The following PTPN4 variants were observed in gnomAD, a reference collection of about 807,000 sequenced individuals.
PTPN4 encodes protein tyrosine phosphatase non-receptor type 4.
PTPN4 carries 49 observed loss-of-function variants against 135.5 expected under a neutral mutation model. The ratio of observed to expected loss-of-function variants is 0.36; its 90% CI spans 0.29 to 0.46. The LOEUF is 0.46. PTPN4 is among the 20% of genes least tolerant of loss of function. The pLI is 1.00. For missense variants in PTPN4, 860 were observed against 1,101.0 expected (o/e 0.78, Z 3.10); for synonymous variants, 333 against 369.9 (o/e 0.90, Z 1.14).
intron 1 of PTPN4, among the ~76,000 whole-genome samples, chr2:119,766,943 C>G (rs559695014): frequency 5.8e-4 from 89 of 152,308 alleles, no homozygotes; most frequent in Non-Finnish European, 1.1e-3. Flanking sequence ...TTGAGCACTT[C>G]CAGTGAGCCA....
At chr2:119,843,693 C>T (rs1245308796) in intron 2 of PTPN4, among the ~76,000 whole-genome samples, 1 of 69,112 alleles carries the variant, frequency 1.4e-5, no homozygotes, top group Non-Finnish European at 2.9e-5. Context: ...CCAGTAGGGG[C>T]GGCCGGGCAG....
chr2:119,907,596 C>T lies in PTPN4; in HGVS notation c.764+6790C>T, dbSNP rs1038457224. Among the ~76,000 whole-genome samples, 4 of 110,114 alleles carry T rather than the reference C, an allele frequency of 3.6e-5. No homozygotes were observed. The East Asian group carries it at 1.1e-3, about 30-fold the overall frequency. 72.2% of individuals were successfully genotyped at this position (110,114 alleles called of 152,430 possible). ...CTTCAGCCTGGATGGCAGAGTGAGA[C>T]CCTTTCTCTATTAAGAAAAAAAAAA... On this transcript the variant is annotated intron_variant, in intron 10 of 26. Transcript: ENST00000263708.
intron 1 of PTPN4, among the ~76,000 whole-genome samples, chr2:119,796,698 A>G (rs537992133): frequency 3.9e-5 from 6 of 152,212 alleles, no homozygotes; most frequent in African/African-American, 1.4e-4. Flanking sequence ...TTTGTTACCT[A>G]GGAACGCAAT....
chr2:119,797,207 G>C (rs558813534), intron 1 of PTPN4, among the ~76,000 whole-genome samples: 1 of 152,046 alleles, frequency 6.6e-6, no homozygotes, highest in Non-Finnish European at 1.5e-5. Flanking sequence ...TGATGATGTC[G>C]AAAGAGTGAT....
chr2:119,967,494 G>A (rs922052702), intron 25 of PTPN4, among the ~76,000 whole-genome samples: 4 of 151,820 alleles, frequency 2.6e-5, no homozygotes, highest in Non-Finnish European at 5.9e-5. Flanking sequence ...TGTCTTTTGT[G>A]CATTCGTTGA....
At chr2:119,833,111 C>T (rs1449996469) in intron 2 of PTPN4, among the ~76,000 whole-genome samples, 2 of 151,704 alleles carry the variant, frequency 1.3e-5, no homozygotes, top group African/African-American at 4.8e-5. Context: ...GCTTCTTTCA[C>T]TTCCTTCATT....
At chr2:119,903,081 G>A (rs758493848) in intron 10 of PTPN4, among the ~76,000 whole-genome samples, 2 of 152,152 alleles carry the variant, frequency 1.3e-5, no homozygotes, top group South Asian at 2.1e-4. Flanking sequence ...CTAGGTCCTC[G>A]AGACTGTATC....
intron 1 of PTPN4, among the ~76,000 whole-genome samples, chr2:119,772,258 G>A (rs903351005): frequency 2.0e-5 from 3 of 152,298 alleles, no homozygotes; most frequent in South Asian, 2.1e-4. Flanking sequence ...GGAAGGGATC[G>A]TGATTTGAAA....
Position 119,967,828 on chromosome 2 carries a change from CT to C in PTPN4, c.2559-3del. 1 of 1,584,500 alleles carries C rather than the reference CT, an allele frequency of 6.3e-7. No homozygotes were observed. Among genetic ancestry groups the C allele is most frequent in the Non-Finnish European group, 8.6e-7 (1 of 1,162,702 alleles). ...TCGGTAAGATCTTGCCTATATTTGT[CT>C]TTTTTAGTGCTGGAATCGGAAGAAC... is the stretch of plus-strand genomic sequence containing the variant. On this transcript the variant is annotated splice_region_variant and splice_polypyrimidine_tract_variant and intron_variant, in intron 25 of 26. Coordinates refer to ENST00000263708, the MANE Select transcript of PTPN4 (RefSeq NM_002830.4).
chr2:119,975,991 A>ATTT (rs1253786677), intron 26 of PTPN4, among the ~76,000 whole-genome samples: 3 of 108,926 alleles, frequency 2.8e-5, no homozygotes, highest in Admixed American at 2.6e-4. Flanking sequence ...ATTTTTATTT[A>ATTT]TTTATTTATT....
chr2:119,946,064 A>C (rs1056542925), intron 16 of PTPN4, among the ~76,000 whole-genome samples: 1 of 152,092 alleles, frequency 6.6e-6, no homozygotes, highest in Non-Finnish European at 1.5e-5. Context: ...GATTCTACGG[A>C]TATAGCAATT....
Position 119,962,603 on chromosome 2 carries a change from A to T in PTPN4, c.2281-13A>T. The T allele has an allele frequency of 7.7e-7, 1 of 1,299,798 alleles. No individual in the cohort carries two copies. The highest frequency in any genetic ancestry group is 1.0e-6 in the Non-Finnish European group (1 of 996,984). 80.5% of individuals were successfully genotyped at this position (1,299,798 alleles called of 1,614,324 possible). A position where few individuals can be genotyped will look rare whatever the true frequency, so the allele number is the denominator to read the frequency against. ...ATATAATTTTATTTATTATTTATTT[A>T]TATCAATATCAGGTTAAATGTCACC... On this transcript the variant is annotated splice_polypyrimidine_tract_variant and intron_variant, in intron 23 of 26. Transcript: ENST00000263708.
At chr2:119,763,839 A>G (rs751915840) in intron 1 of PTPN4, among the ~76,000 whole-genome samples, 5 of 152,266 alleles carry the variant, frequency 3.3e-5, no homozygotes, top group Non-Finnish European at 7.4e-5. Flanking sequence ...GCTAGTAGCT[A>G]TAGTATTGGA....
Position 119,955,255 on chromosome 2 carries a change from T to G in PTPN4, c.1912T>G (p.Ser638Ala), listed in dbSNP as rs1265532303. 1 of 1,613,754 alleles carries G rather than the reference T, an allele frequency of 6.2e-7. No homozygotes were observed. Among genetic ancestry groups the G allele is most frequent in the Non-Finnish European group, 8.5e-7 (1 of 1,179,820 alleles). Residue 638 changes from serine (S) to alanine (A), a missense_variant, in exon 20 of 27, where the codon TCC becomes GCC. Ser to Ala is a moderately conservative substitution (Grantham distance 99). Transcript: ENST00000263708. The stretch of plus-strand genomic sequence containing the variant: ...AGATAGTGTGCATCAGGATGACCAT[T>G]CCCTGCGGGAGTCAATGATCCAGCT... ...PLDSVHQDDH[S>A]LRESMIQLAE... is the part of the protein sequence containing the mutation.
intron 2 of PTPN4, among the ~76,000 whole-genome samples, chr2:119,816,487 C>T (rs1363699079): frequency 3.9e-5 from 6 of 152,190 alleles, no homozygotes; most frequent in African/African-American, 1.4e-4. Flanking sequence ...GACAATTTTT[C>T]ATCGGACTTG....
chr2:119,786,892 A>G (rs1321767847), intron 1 of PTPN4, among the ~76,000 whole-genome samples: 1 of 152,052 alleles, frequency 6.6e-6, no homozygotes, highest in Non-Finnish European at 1.5e-5. Flanking sequence ...CACAGATACA[A>G]CCTGAGAGGC....
chr2:119,826,633 A>G (rs1677150653), intron 2 of PTPN4, among the ~76,000 whole-genome samples: 1 of 152,218 alleles, frequency 6.6e-6, no homozygotes, highest in South Asian at 2.1e-4. Flanking sequence ...ATCCCCCACA[A>G]TAGAGAATGA....
intron 26 of PTPN4, among the ~76,000 whole-genome samples, chr2:119,974,510 G>A (rs564903108): frequency 1.3e-5 from 2 of 152,182 alleles, no homozygotes; most frequent in South Asian, 2.1e-4. Flanking sequence ...TGCCTAGCCT[G>A]TAGTTATTTT....
At chr2:119,902,331 T>C (rs997726942) in intron 10 of PTPN4, among the ~76,000 whole-genome samples, 1 of 152,232 alleles carries the variant, frequency 6.6e-6, no homozygotes, top group Non-Finnish European at 1.5e-5. Context: ...AGCAAAGTTA[T>C]CCTTCAGAAG....
Sources: allele counts gnomAD v4.1 joint callset (sites outside exome capture counted in the v4.1 genomes callset), GRCh38; gene constraint gnomAD v4.1.1; transcripts MANE v1.5; gene names NCBI Gene and HGNC (gene_info 2026-07-23, HGNC 2026-07-21).